The following HMCN1 variants were observed in gnomAD, a reference collection of about 807,000 sequenced individuals.
HMCN1 encodes the protein hemicentin-1.
A neutral mutation model predicts 625.9 loss-of-function variants in HMCN1; 321 were observed. The observed-to-expected ratio is 0.51, with a 90% CI of 0.47 to 0.56. HMCN1 has a LOEUF of 0.56. Among genes scored for constraint, HMCN1 ranks in the 20% least tolerant of loss-of-function variants. HMCN1 has a pLI of 0.00. For synonymous variants in HMCN1, 2,425 were observed against 2,417.6 expected, an observed-to-expected ratio of 1.00 and a Z score of -0.09; for missense variants, 6,588 against 6,887.3, an observed-to-expected ratio of 0.96 and a Z score of 1.54.
intron 30 of HMCN1, among the ~76,000 whole-genome samples, chr1:186,008,777 A>G (rs1558139355): frequency 6.6e-6 from 1 of 152,156 alleles, no homozygotes; most frequent in Non-Finnish European, 1.5e-5. Context: ...AATAAATGTT[A>G]TTCATTTATC....
At chr1:185,884,446 T>C (rs904083469) in intron 4 of HMCN1, among the ~76,000 whole-genome samples, 2 of 152,016 alleles carry the variant, frequency 1.3e-5, no homozygotes, top group Non-Finnish European at 2.9e-5. Context: ...CAGCTTCCCC[T>C]AACTCAGATT....
At chr1:185,916,156 C>A (rs1169409712) in intron 6 of HMCN1, among the ~76,000 whole-genome samples, 6 of 151,878 alleles carry the variant, frequency 4.0e-5, no homozygotes, top group Non-Finnish European at 7.4e-5. Context: ...TAATGCCCAA[C>A]AAAATAATGG....
chr1:186,183,382 TC>T (rs1204367361), intron 105 of HMCN1, among the ~76,000 whole-genome samples: 6 of 152,184 alleles, frequency 3.9e-5, no homozygotes, highest in Admixed American at 2.6e-4. Flanking sequence ...ACCCATTTAC[TC>T]ATTCACACTC....
intron 22 of HMCN1, among the ~76,000 whole-genome samples, chr1:185,991,298 T>C (rs1217500751): frequency 6.6e-6 from 1 of 152,192 alleles, no homozygotes; most frequent in Non-Finnish European, 1.5e-5. Context: ...AGAAGGACTT[T>C]ATATAATTTT....
intron 97 of HMCN1, among the ~76,000 whole-genome samples, chr1:186,159,118 T>C (rs1373227008): frequency 2.0e-5 from 3 of 151,604 alleles, no homozygotes; most frequent in African/African-American, 7.3e-5. Flanking sequence ...GAGCAGTGGT[T>C]TGTAGTTCTC....
intron 1 of HMCN1, among the ~76,000 whole-genome samples, chr1:185,811,729 T>TA (rs59762206): frequency 0.23 from 34,699 of 149,270 alleles, 4,271 homozygotes; most frequent in Non-Finnish European, 0.28. Context: ...TCCCTTGCTC[T>TA]AAAAAAAAAA....
chr1:185,779,860 G>A (rs1319010164), intron 1 of HMCN1, among the ~76,000 whole-genome samples: 1 of 152,176 alleles, frequency 6.6e-6, no homozygotes, highest in Non-Finnish European at 1.5e-5. Flanking sequence ...GAACTTTAAA[G>A]TAGTTTTTTC....
At chr1:185,779,778 T>C (rs1397283571) in intron 1 of HMCN1, among the ~76,000 whole-genome samples, 1 of 152,166 alleles carries the variant, frequency 6.6e-6, no homozygotes, top group Non-Finnish European at 1.5e-5. Flanking sequence ...AGTCAGGTAG[T>C]GTGATGCCTC....
At chr1:185,919,397 C>T (rs1666891129) in intron 6 of HMCN1, among the ~76,000 whole-genome samples, 1 of 152,094 alleles carries the variant, frequency 6.6e-6, no homozygotes, top group Non-Finnish European at 1.5e-5. Flanking sequence ...TGATGCAGGG[C>T]AAAACTCAGC....
chr1:185,792,879 G>A (rs1830623), intron 1 of HMCN1, among the ~76,000 whole-genome samples: 13,714 of 152,164 alleles, frequency 0.09, 1,997 homozygotes, highest in African/African-American at 0.31. Context: ...TTAAAAATGG[G>A]TGATTATTAA....
At chr1:185,859,865 G>A (rs1296416198) in intron 2 of HMCN1, among the ~76,000 whole-genome samples, 2 of 151,502 alleles carry the variant, frequency 1.3e-5, no homozygotes, top group African/African-American at 2.4e-5. Flanking sequence ...GTAGAGACAG[G>A]GCACCATGTT....
intron 103 of HMCN1, among the ~76,000 whole-genome samples, chr1:186,177,550 A>C (rs1387126442): frequency 2.0e-5 from 3 of 152,220 alleles, no homozygotes; most frequent in African/African-American, 7.2e-5. Context: ...GATATGGTTT[A>C]CATTTGGAAA....
Position 186,166,424 on chromosome 1 carries a change from C to T in HMCN1, c.15439+121C>T, listed in dbSNP as rs1020417586. 8 of 1,237,302 alleles carry T rather than the reference C, an allele frequency of 6.5e-6. No homozygotes were observed. The African/African-American group carries it at 1.2e-4, about 18-fold the overall frequency. The allele number at this position is 1,237,302 out of a possible 1,614,324, so 76.6% of individuals were successfully genotyped here. A position where few individuals can be genotyped will look rare whatever the true frequency, so the allele number is the denominator to read the frequency against. On this transcript the variant is annotated intron_variant, in intron 99 of 106. Coordinates refer to ENST00000271588, the MANE Select transcript of HMCN1 (RefSeq NM_031935.3). ...CTTCTGCCCACACCTTGGCAACAAA[C>T]AAAGAAGGTCTCCATTGGGCTGAGA...
At chr1:186,087,789 A>G (rs1439631205) in intron 60 of HMCN1, 143 bp from the exon 61 acceptor site, 10 of 1,152,816 alleles carry the variant, frequency 8.7e-6, no homozygotes, top group South Asian at 1.3e-5. Context: ...GACTATTTTT[A>G]TAAAAAATAG....
chr1:185,750,230 G>A (rs1654706319), intron 1 of HMCN1, among the ~76,000 whole-genome samples: 1 of 152,104 alleles, frequency 6.6e-6, no homozygotes, highest in Non-Finnish European at 1.5e-5. Flanking sequence ...TCAATAAAGT[G>A]AGTGCCTTCT....
chr1:186,127,446 T>G (rs1343025561), intron 82 of HMCN1, among the ~76,000 whole-genome samples: 1 of 152,016 alleles, frequency 6.6e-6, no homozygotes, highest in Non-Finnish European at 1.5e-5. Flanking sequence ...CATTAAAATG[T>G]TAATGTTGAG....
rs535255223 is a variant in HMCN1 at position 186,093,792 on chromosome 1, A to C, written c.10196+123A>C. 42 of 1,329,498 alleles carry C rather than the reference A, an allele frequency of 3.2e-5. No homozygotes were observed. In the African/African-American group the frequency reaches 5.3e-4, roughly 17 times the overall value. 82.4% of individuals were successfully genotyped at this position (1,329,498 alleles called of 1,614,324 possible). Reference sequence around the variant, plus strand: ...AAGCCTTTACAGTTTTTTTCCCTTTAAGTATATTTTTAGTAGAGGAAGGAC... The same window carrying C: ...AAGCCTTTACAGTTTTTTTCCCTTTCAGTATATTTTTAGTAGAGGAAGGAC... On this transcript the variant is annotated intron_variant, in intron 66 of 106. Transcript: ENST00000271588.
At chr1:186,108,097 A>T (rs1325198666) in intron 70 of HMCN1, among the ~76,000 whole-genome samples, 1 of 150,318 alleles carries the variant, frequency 6.7e-6, no homozygotes. Flanking sequence ...TATGATGGGC[A>T]CTCCCTGATT....
At chr1:186,139,510 G>GT (rs951844355) in intron 89 of HMCN1, among the ~76,000 whole-genome samples, 1 of 151,398 alleles carries the variant, frequency 6.6e-6, no homozygotes, top group Admixed American at 6.6e-5. Context: ...ATAAAAGCCA[G>GT]TTTTTTCTTT....
Sources: allele counts gnomAD v4.1 joint callset (sites outside exome capture counted in the v4.1 genomes callset), GRCh38; gene constraint gnomAD v4.1.1; transcripts MANE v1.5; gene names NCBI Gene and HGNC (gene_info 2026-07-23, HGNC 2026-07-21).